The following FBXW8 variants were observed in gnomAD, a reference collection of about 807,000 sequenced individuals.
FBXW8 encodes the protein F-box and WD repeat domain containing 8.
A neutral mutation model predicts 65.3 loss-of-function variants in FBXW8; 57 were observed. The ratio of observed to expected loss-of-function variants is 0.87; its 90% CI spans 0.71 to 1.09. The LOEUF (loss-of-function observed/expected upper bound fraction) is 1.09, where lower values mean the gene tolerates loss of function less well. Among genes scored for constraint, FBXW8 ranks in the 50% least tolerant of loss-of-function variants. FBXW8 has a pLI of 0.00. For missense variants in FBXW8, 777 were observed against 814.8 expected (o/e 0.95, Z 0.57); for synonymous variants, 308 against 330.2 (o/e 0.93, Z 0.73).
intron 5 of FBXW8, among the ~76,000 whole-genome samples, chr12:116,976,621 ATTT>A (rs58135251): frequency 7.2e-6 from 1 of 137,972 alleles, no homozygotes; most frequent in African/African-American, 2.7e-5. Context: ...ACACCGGCTA[ATTT>A]TTTTTTTTTT....
At chr12:117,011,824 TGGA>T (rs1953825926) in intron 8 of FBXW8, among the ~76,000 whole-genome samples, 1 of 152,134 alleles carries the variant, frequency 6.6e-6, no homozygotes, top group Admixed American at 6.5e-5. Flanking sequence ...AAGGGTGTTG[TGGA>T]GAAGAAACCT....
At chr12:117,008,453 G>C (rs1953729614) in intron 7 of FBXW8, among the ~76,000 whole-genome samples, 1 of 152,164 alleles carries the variant, frequency 6.6e-6, no homozygotes, top group African/African-American at 2.4e-5. Flanking sequence ...TTCTGCGTCA[G>C]AAATTTTTCT....
chr12:116,953,316 G>A (rs1883403958), intron 4 of FBXW8, among the ~76,000 whole-genome samples: 2 of 152,178 alleles, frequency 1.3e-5, no homozygotes, highest in African/African-American at 4.8e-5. Context: ...TCAGGGCCAG[G>A]CTGGGTGTGC....
chr12:117,028,340 C>CG lies in FBXW8; in HGVS notation c.*168_*169insG. 5 of 816,436 alleles carry CG rather than the reference C, an allele frequency of 6.1e-6. No homozygotes were observed. The highest frequency in any genetic ancestry group is 1.8e-5 in the South Asian group (1 of 54,950). 50.6% of individuals were successfully genotyped at this position (816,436 alleles called of 1,614,324 possible). A position where few individuals can be genotyped will look rare whatever the true frequency, so the allele number is the denominator to read the frequency against. On this transcript the variant is annotated 3_prime_UTR_variant, in exon 11 of 11. Transcript: ENST00000652555. This position sits in a 1 kb window ranked among gnomAD's most constrained non-coding sequence, Gnocchi z 4.1. ...CCTGACCCCTGCACTTCCCCCAGCG[C>CG]CTGGGGCAAGCTGGCGTGTGCCAGG...
chr12:116,962,417 TG>T (rs779263436), intron 4 of FBXW8, among the ~76,000 whole-genome samples: 69 of 152,304 alleles, frequency 4.5e-4, no homozygotes, highest in Non-Finnish European at 8.8e-4. Flanking sequence ...TTCAGGGAGC[TG>T]GGGGGCTGGA....
chr12:116,965,455 G>A (rs1046409187), intron 5 of FBXW8, among the ~76,000 whole-genome samples: 4 of 152,104 alleles, frequency 2.6e-5, no homozygotes, highest in Non-Finnish European at 5.9e-5. Context: ...TCTTGACAGC[G>A]TATAACTACT....
intron 1 of FBXW8, among the ~76,000 whole-genome samples, chr12:116,925,557 T>C (rs568174702): frequency 7.9e-5 from 12 of 152,264 alleles, no homozygotes; most frequent in African/African-American, 2.4e-4. Flanking sequence ...CATTTTCCAG[T>C]GGTTACCAAC....
intron 4 of FBXW8, among the ~76,000 whole-genome samples, chr12:116,962,971 C>T (rs940487828): frequency 4.6e-5 from 7 of 152,148 alleles, no homozygotes; most frequent in Admixed American, 3.9e-4. Context: ...GGCCAGTGGC[C>T]GTGCTTTGGC....
intron 5 of FBXW8, among the ~76,000 whole-genome samples, chr12:116,969,901 T>A (rs759522769): frequency 2.0e-5 from 3 of 152,250 alleles, no homozygotes; most frequent in Non-Finnish European, 4.4e-5. Flanking sequence ...CTCATATTTC[T>A]TCTGCCTTGT....
chr12:116,922,492 C>T (rs1291040411), intron 1 of FBXW8, among the ~76,000 whole-genome samples: 28 of 152,146 alleles, frequency 1.8e-4, no homozygotes, highest in Admixed American at 2.0e-4. Flanking sequence ...GTCCTCTTTG[C>T]CCTGGAGATG....
In FBXW8 at chr12:116,911,033, C is replaced by A; in HGVS notation, c.-5C>A. 2 of 1,413,492 alleles carry A rather than the reference C, an allele frequency of 1.4e-6. No homozygotes were observed. The highest frequency in any genetic ancestry group is 1.5e-5 in the South Asian group (1 of 66,194). 87.6% of individuals were successfully genotyped at this position (1,413,492 alleles called of 1,614,324 possible). A position where few individuals can be genotyped will look rare whatever the true frequency, so the allele number is the denominator to read the frequency against. On this transcript the variant is annotated 5_prime_UTR_variant, in exon 1 of 11. Coordinates refer to ENST00000652555, the MANE Select transcript of FBXW8 (RefSeq NM_153348.3). ...GGAGAACGTGGAGCGCCGGGAGCGG[C>A]GAATATGGACGACTACAGCCTGGAT... is the stretch of plus-strand genomic sequence containing the variant.
chr12:116,994,328 G>A (rs752996541), intron 7 of FBXW8, among the ~76,000 whole-genome samples: 1 of 152,208 alleles, frequency 6.6e-6, no homozygotes, highest in African/African-American at 2.4e-5. Context: ...TGGTACTGGT[G>A]TAAAAGTAAA....
rs996996708 is a variant in FBXW8 at position 116,936,704 on chromosome 12, A to G, written c.423+8577A>G. 6.6e-6 allele frequency among the ~76,000 whole-genome samples: 1 copy of G among 152,178 alleles called. No individual in the cohort carries two copies. The highest frequency in any genetic ancestry group is 1.5e-5 in the Non-Finnish European group (1 of 68,046). ...CTTCTGGTCTCCGGAACTATAAGCG[A>G]ATAAATCTGTATTGTTTTAAGCAGC... On this transcript the variant is annotated intron_variant, in intron 2 of 10. Coordinates refer to ENST00000652555, the MANE Select transcript of FBXW8 (RefSeq NM_153348.3). The surrounding 1 kb of genome is among the most constrained non-coding windows in gnomAD (Gnocchi z 4.6).
chr12:116,961,266 T>G lies in FBXW8; in HGVS notation c.678-3431T>G, dbSNP rs1050196221. Among the ~76,000 whole-genome samples, 1 of 152,206 alleles carries G rather than the reference T, an allele frequency of 6.6e-6. No individual in the cohort carries two copies. The highest frequency in any genetic ancestry group is 1.5e-5 in the Non-Finnish European group (1 of 68,028). On this transcript the variant is annotated intron_variant, in intron 4 of 10. Coordinates refer to ENST00000652555, the MANE Select transcript of FBXW8 (RefSeq NM_153348.3). The surrounding 1 kb of genome is among the most constrained non-coding windows in gnomAD (Gnocchi z 4.4). ...CCCTGCCCTCAGCCTCCCAAAGTGC[T>G]GGGATTACAGGCATGAGCCACCGTG...
At chr12:117,012,477 G>A (rs987535725) in intron 8 of FBXW8, among the ~76,000 whole-genome samples, 1 of 152,110 alleles carries the variant, frequency 6.6e-6, no homozygotes, top group African/African-American at 2.4e-5. Flanking sequence ...AGGGTTGCTC[G>A]GTCAGCAGCT....
At chr12:116,990,850 T>G (rs1269556194) in intron 7 of FBXW8, among the ~76,000 whole-genome samples, 2 of 152,116 alleles carry the variant, frequency 1.3e-5, no homozygotes, top group Non-Finnish European at 2.9e-5. Flanking sequence ...AATCCTTGGT[T>G]AAAAATGTAT....
chr12:117,020,084 C>T (rs1363464375), intron 8 of FBXW8, among the ~76,000 whole-genome samples: 1 of 152,320 alleles, frequency 6.6e-6, no homozygotes, highest in East Asian at 1.9e-4. Context: ...CCAGCACACA[C>T]CTGTGCGCAC....
chr12:116,964,345 G>C (rs1291816161), intron 4 of FBXW8, among the ~76,000 whole-genome samples: 1 of 152,196 alleles, frequency 6.6e-6, no homozygotes. Flanking sequence ...GTAAATAGTG[G>C]GGCTTATACA....
chr12:117,019,563 G>GTGT (rs1954038078), intron 8 of FBXW8, among the ~76,000 whole-genome samples: 1 of 152,196 alleles, frequency 6.6e-6, no homozygotes. Flanking sequence ...CTAAAACGAC[G>GTGT]TGTTGTTCCA....
Sources: gnomAD v4.1 joint callset for allele counts (sites outside exome capture counted in the v4.1 genomes callset) on GRCh38, gnomAD v4.1.1 for gene constraint, Gnocchi (gnomAD v3.1) non-coding constraint, MANE v1.5 for transcripts, NCBI Gene and HGNC (gene_info 2026-07-23, HGNC 2026-07-21) for gene names.